SLC47A2: variants seen among roughly 807,000 people sequenced by gnomAD.
SLC47A2 encodes the protein solute carrier family 47 member 2, also known as multidrug and toxin extrusion protein 2.
SLC47A2 carries 52 observed loss-of-function variants against 67.7 expected under a neutral mutation model. The ratio of observed to expected loss-of-function variants is 0.77; its 90% CI spans 0.61 to 0.97. The LOEUF is 0.97. Ranked by LOEUF, SLC47A2 falls within the 50% of genes least tolerant of loss-of-function variation. SLC47A2 has a pLI of 0.00. For missense variants in SLC47A2, 676 were observed against 712.3 expected, an observed-to-expected ratio of 0.95 and a Z score of 0.58; for synonymous variants, 278 against 292.9, an observed-to-expected ratio of 0.95 and a Z score of 0.52.
chr17:19,683,521 G>A (rs1468468494), intron 13 of SLC47A2, among the ~76,000 whole-genome samples: 1 of 152,176 alleles, frequency 6.6e-6, no homozygotes, highest in African/African-American at 2.4e-5. Context: ...GTTTGATGAG[G>A]TAAAACAGCC....
intron 13 of SLC47A2, among the ~76,000 whole-genome samples, chr17:19,695,499 C>CA (rs369851386): frequency 0.39 from 21,614 of 55,110 alleles, 2,291 homozygotes; most frequent in East Asian, 0.48. Context: ...AAACAAAGAA[C>CA]AAAAAAAAAA....
intron 10 of SLC47A2, chr17:19,704,842 T>TC: frequency 1.6e-6 from 1 of 617,758 alleles, no homozygotes; most frequent in East Asian, 2.9e-5. Context: ...TTTTTTTTTT[T>TC]TGAGACAGAG....
At chr17:19,700,498 A>G (rs2085758259) in intron 13 of SLC47A2, among the ~76,000 whole-genome samples, 1 of 152,342 alleles carries the variant, frequency 6.6e-6, no homozygotes, top group South Asian at 2.1e-4. Context: ...GCCATGGCTT[A>G]TGCCTGTAAT....
At chr17:19,707,716 C>T (rs1054037095) in intron 8 of SLC47A2, 30 bp downstream of exon 8, 6 of 1,559,386 alleles carry the variant, frequency 3.8e-6, no homozygotes, top group Non-Finnish European at 5.2e-6. Flanking sequence ...CTGGCCTGCT[C>T]AGCCTCCCAG....
chr17:19,685,911 A>G lies in SLC47A2; in HGVS notation c.1165-4241T>C, dbSNP rs1830837120. Among the ~76,000 whole-genome samples, 1 of 152,158 alleles carries G rather than the reference A, an allele frequency of 6.6e-6. No individual in the cohort carries two copies. The highest frequency in any genetic ancestry group is 2.4e-5 in the African/African-American group (1 of 41,448). On this transcript the variant is annotated intron_variant, in intron 13 of 16. Coordinates refer to ENST00000433844, the MANE Select transcript of SLC47A2 (RefSeq NM_001099646.3). This position sits in a 1 kb window ranked among gnomAD's most constrained non-coding sequence, Gnocchi z 4.5. ...GGGGATGAAGTTAAAGTTTTTCTTA[A>G]TTTTCTCTGCTTGTTTGTTTTTGCA...
intron 13 of SLC47A2, among the ~76,000 whole-genome samples, chr17:19,687,847 A>G (rs1326666587): frequency 1.3e-5 from 2 of 152,210 alleles, no homozygotes; most frequent in Non-Finnish European, 2.9e-5. Flanking sequence ...AGCTGTAATA[A>G]TAAGTCTCCT....
In SLC47A2 at chr17:19,713,983, A is replaced by G. The variant is rs2086179614; in HGVS notation, c.295-10T>C. The G allele has an allele frequency of 6.2e-7, 1 of 1,608,620 alleles. No individual in the cohort carries two copies. The highest frequency in any genetic ancestry group is 1.3e-5 in the African/African-American group (1 of 74,836). Reference sequence around the variant, plus strand: ...TGGGGCTGCCGAAGCTCTGCAAAACAGCCCGCCCCGCGTCAGCCGTTTCCA... The same window carrying G: ...TGGGGCTGCCGAAGCTCTGCAAAACGGCCCGCCCCGCGTCAGCCGTTTCCA... On this transcript the variant is annotated splice_polypyrimidine_tract_variant and intron_variant, in intron 3 of 16. Transcript: ENST00000433844.
intron 13 of SLC47A2, among the ~76,000 whole-genome samples, chr17:19,696,536 G>A (rs76485783): frequency 0.056 from 8,505 of 151,744 alleles, 269 homozygotes; most frequent in African/African-American, 0.074. Flanking sequence ...ACAGGGAAAA[G>A]ATGACCATCT....
intron 12 of SLC47A2, 85 bp from the exon 13 acceptor site, chr17:19,702,759 A>G (rs1286976484): frequency 1.4e-6 from 2 of 1,442,402 alleles, no homozygotes; most frequent in African/African-American, 2.8e-5. Flanking sequence ...CCCCACCCCC[A>G]CAAGAAAAAG....
chr17:19,707,878 G>A, intron 7 of SLC47A2, 35 bp from the exon 8 acceptor site: 1 of 1,541,876 alleles, frequency 6.5e-7, no homozygotes, highest in Non-Finnish European at 8.8e-7. Flanking sequence ...TGCGACTGAT[G>A]CCAACTCTCT....
intron 1 of SLC47A2, 146 bp downstream of exon 1, chr17:19,716,287 T>C: frequency 7.8e-7 from 1 of 1,289,052 alleles, no homozygotes; most frequent in Non-Finnish European, 1.0e-6. Context: ...GCCATCCTGC[T>C]GTCCCCAGAC....
In SLC47A2 at chr17:19,685,362, C is replaced by T. The variant is rs558167206; in HGVS notation, c.1165-3692G>A. 1.1e-3 allele frequency among the ~76,000 whole-genome samples: 163 copies of T among 151,606 alleles called. No individual in the cohort carries two copies. Among genetic ancestry groups the T allele is most frequent in the African/African-American group, 3.6e-3 (150 of 41,324 alleles). ...GCCACCCCATCTGGGAAGTGAGGCG[C>T]GCCTCTGCCTGGCTGCCACCACGTC... is the stretch of plus-strand genomic sequence containing the variant. On this transcript the variant is annotated intron_variant, in intron 13 of 16. Coordinates refer to ENST00000433844, the MANE Select transcript of SLC47A2 (RefSeq NM_001099646.3). This position sits in a 1 kb window ranked among gnomAD's most constrained non-coding sequence, Gnocchi z 4.5.
In SLC47A2 at chr17:19,703,183, G is replaced by C; in HGVS notation, c.1019-16C>G. The stretch of plus-strand genomic sequence containing the variant: ...GAAATGCCAACTGGAAGAGACAAAA[G>C]GTGCAGCAATGACAGACCCCAAGCC... On this transcript the variant is annotated splice_polypyrimidine_tract_variant and intron_variant, in intron 11 of 16. Transcript: ENST00000433844. The C allele has an allele frequency of 6.2e-7, 1 of 1,613,598 alleles. No homozygotes were observed. Among genetic ancestry groups the C allele is most frequent in the Non-Finnish European group, 8.5e-7 (1 of 1,179,608 alleles).
At chr17:19,706,426 A>C (rs952824479) in intron 9 of SLC47A2, among the ~76,000 whole-genome samples, 6 of 152,182 alleles carry the variant, frequency 3.9e-5, no homozygotes, top group African/African-American at 1.4e-4. Context: ...CTCACAGCCT[A>C]CTGGGGAGGC....
At chr17:19,691,404 G>A (rs368463858) in intron 13 of SLC47A2, among the ~76,000 whole-genome samples, 1 of 152,174 alleles carries the variant, frequency 6.6e-6, no homozygotes, top group East Asian at 1.9e-4. Context: ...ATACAATGGA[G>A]TACTAGTCAG....
rs79580614 is a variant in SLC47A2, at chr17:19,694,308, A to G, written c.1164+8297T>C. ...TACAAAAATGCAAAGGACCTAAAAG[A>G]GTCAAAAGAGTTTGGGGACAGAAAA... is the stretch of plus-strand genomic sequence containing the variant. On this transcript the variant is annotated intron_variant, in intron 13 of 16. Coordinates refer to ENST00000433844, the MANE Select transcript of SLC47A2 (RefSeq NM_001099646.3). Among the ~76,000 whole-genome samples, 982 of 152,328 alleles carry G rather than the reference A, an allele frequency of 6.4e-3. 3 individuals are homozygous for G. The highest frequency in any genetic ancestry group is 0.026 in the East Asian group (135 of 5,190).
chr17:19,679,131 A>C (rs370418472), intron 16 of SLC47A2, among the ~76,000 whole-genome samples: 5 of 152,364 alleles, frequency 3.3e-5, no homozygotes, highest in Admixed American at 3.3e-4. Flanking sequence ...CGTGCAGATA[A>C]TGCTTACTAC....
intron 13 of SLC47A2, among the ~76,000 whole-genome samples, chr17:19,701,028 C>T (rs932019084): frequency 6.6e-6 from 1 of 151,560 alleles, no homozygotes; most frequent in Non-Finnish European, 1.5e-5. Context: ...ATTAGCCAGG[C>T]ATGGGGGTGC....
chr17:19,714,069 G>C, intron 3 of SLC47A2, 96 bp from the exon 4 acceptor site: 1 of 1,486,076 alleles, frequency 6.7e-7, no homozygotes, highest in Non-Finnish European at 9.0e-7. Context: ...CCAGCGGTGT[G>C]TGGCGGACCC....
Sources: allele counts gnomAD v4.1 joint callset (sites outside exome capture counted in the v4.1 genomes callset), GRCh38; gene constraint gnomAD v4.1.1; non-coding constraint Gnocchi (gnomAD v3.1); transcripts MANE v1.5; gene names NCBI Gene and HGNC (gene_info 2026-07-23, HGNC 2026-07-21).